LMF1: variants seen among roughly 807,000 people sequenced by gnomAD.
LMF1 encodes lipase maturation factor 1.
In LMF1, 68 loss-of-function variants were observed where a neutral mutation model predicts 60.6. The observed-to-expected ratio is 1.12, with a 90% CI of 0.92 to 1.37. The LOEUF (loss-of-function observed/expected upper bound fraction) is 1.37. Among genes scored for constraint, LMF1 ranks in the 40% most tolerant of loss-of-function variants. The pLI, the probability that LMF1 is intolerant of heterozygous loss-of-function variation, is 0.00. For synonymous variants in LMF1, 418 were observed against 324.7 expected, an observed-to-expected ratio of 1.29 and a Z score of -3.09; for missense variants, 948 against 767.2, an observed-to-expected ratio of 1.24 and a Z score of -2.78.
intron 2 of LMF1, among the ~76,000 whole-genome samples, chr16:935,584 A>AAAAAAAC (rs59945373): frequency 6.6e-6 from 1 of 151,466 alleles, no homozygotes; most frequent in South Asian, 2.1e-4. Context: ...AAAAAAAAAA[A>AAAAAAAC]CTCATAATGT....
rs139998027 is a variant in LMF1 at position 864,430 on chromosome 16, A to T, written c.1529+4514T>A. 9.2e-5 allele frequency among the ~76,000 whole-genome samples: 14 copies of T among 152,308 alleles called. No homozygotes were observed. The East Asian group carries it at 2.7e-3, about 29-fold the overall frequency. On this transcript the variant is annotated intron_variant, in intron 10 of 10. Transcript: ENST00000262301. ...ACAACTATCCTGTTTTCACTTCCATACAGTATTCAGTAAATGACATATTCA... is the reference window on the plus strand; with the variant it reads ...ACAACTATCCTGTTTTCACTTCCATTCAGTATTCAGTAAATGACATATTCA...
At chr16:947,344 C>G in intron 2 of LMF1, 1 of 393,002 alleles carries the variant, frequency 2.5e-6, no homozygotes, top group Non-Finnish European at 5.1e-6. Flanking sequence ...CCAGTTGGGG[C>G]TACGCAGAGG....
At chr16:920,394 G>A (rs950604795) in intron 3 of LMF1, among the ~76,000 whole-genome samples, 13 of 152,244 alleles carry the variant, frequency 8.5e-5, no homozygotes, top group Non-Finnish European at 1.8e-4. Context: ...CTGGAGAGCT[G>A]AGCAGAGACA....
At chr16:943,490 C>T (rs1331027468) in intron 2 of LMF1, among the ~76,000 whole-genome samples, 1 of 151,840 alleles carries the variant, frequency 6.6e-6, no homozygotes, top group African/African-American at 2.4e-5. Context: ...CTTTGGGAGG[C>T]CGAGGCGGGC....
chr16:925,746 C>T (rs752218448), intron 3 of LMF1, among the ~76,000 whole-genome samples: 3 of 152,038 alleles, frequency 2.0e-5, no homozygotes, highest in Non-Finnish European at 4.4e-5. Context: ...TGAAGAAAAA[C>T]TATATATATA....
At chr16:934,606 G>T in intron 2 of LMF1, 1 of 337,954 alleles carries the variant, frequency 3.0e-6, no homozygotes. Flanking sequence ...GAAAATTTAA[G>T]GACATCACAT....
In LMF1 at chr16:954,254, A is replaced by T. The variant is rs748219564; in HGVS notation, c.503+103T>A. 7.4e-6 allele frequency: 9 copies of T among 1,208,148 alleles called. No homozygotes were observed. In the Admixed American group the frequency reaches 7.9e-5, roughly 11 times the overall value. 74.8% of individuals were successfully genotyped at this position (1,208,148 alleles called of 1,614,324 possible). A position where few individuals can be genotyped will look rare whatever the true frequency, so the allele number is the denominator to read the frequency against. On this transcript the variant is annotated intron_variant, in intron 2 of 10. Transcript: ENST00000262301. ...GACAATACCCTCCTGAAGGAATTTA[A>T]GATAAACGCTCGTCCAGTCTTTCCA...
chr16:942,103 A>C (rs1198841216), intron 2 of LMF1, among the ~76,000 whole-genome samples: 1 of 152,204 alleles, frequency 6.6e-6, no homozygotes, highest in Non-Finnish European at 1.5e-5. Flanking sequence ...GTCTGCTGGC[A>C]AAGCCTTCTC....
At chr16:955,467 GCATACA>G (rs2072672296) in intron 1 of LMF1, among the ~76,000 whole-genome samples, 1 of 94,310 alleles carries the variant, frequency 1.1e-5, no homozygotes, top group African/African-American at 6.0e-5. Flanking sequence ...CGCGGTGTGT[GCATACA>G]CACACACACA....
chr16:879,255 C>T (rs908454908), intron 6 of LMF1, among the ~76,000 whole-genome samples: 2 of 152,180 alleles, frequency 1.3e-5, no homozygotes, highest in Non-Finnish European at 2.9e-5. Flanking sequence ...TGGGGGTGTC[C>T]ACACAGGGCC....
chr16:922,268 T>C (rs1022378977), intron 3 of LMF1, among the ~76,000 whole-genome samples: 2 of 152,114 alleles, frequency 1.3e-5, no homozygotes, highest in East Asian at 1.9e-4. Flanking sequence ...TCGCCTCCGA[T>C]GCAAGGTGGG....
chr16:876,678 G>A (rs139142692), intron 6 of LMF1, among the ~76,000 whole-genome samples: 10 of 151,104 alleles, frequency 6.6e-5, no homozygotes, highest in South Asian at 2.1e-4. Context: ...GGCTTGGGGC[G>A]GACAGAGGCA....
rs368872188 is a variant in LMF1, at chr16:955,921, G to A, written c.194-1255C>T. 5.3e-5 allele frequency among the ~76,000 whole-genome samples: 8 copies of A among 152,292 alleles called. No homozygotes were observed. The South Asian group carries it at 6.2e-4, about 12-fold the overall frequency. On this transcript the variant is annotated intron_variant, in intron 1 of 10. Transcript: ENST00000262301. The stretch of plus-strand genomic sequence containing the variant: ...CCCTCTACGCAGACCACAGGTCTCC[G>A]AGTTCACGTCTCACGGCGCCCACCC...
At chr16:923,992 A>G (rs994501372) in intron 3 of LMF1, among the ~76,000 whole-genome samples, 1 of 152,268 alleles carries the variant, frequency 6.6e-6, no homozygotes, top group Non-Finnish European at 1.5e-5. Flanking sequence ...AAAATAGAAA[A>G]GGCAACTATG....
chr16:929,553 C>T (rs1469175986), intron 3 of LMF1, among the ~76,000 whole-genome samples: 1 of 152,226 alleles, frequency 6.6e-6, no homozygotes, highest in Non-Finnish European at 1.5e-5. Flanking sequence ...TGCGCAAGGG[C>T]GGCTGGAAGC....
intron 2 of LMF1, 137 bp downstream of exon 2, chr16:954,220 A>G (rs1351768997): frequency 1.1e-6 from 1 of 952,160 alleles, no homozygotes; most frequent in African/African-American, 1.6e-5. Context: ...GCCATGGCCT[A>G]AGTAAAATGA....
intron 10 of LMF1, among the ~76,000 whole-genome samples, chr16:859,511 T>G (rs866857485): frequency 0.12 from 912 of 7,350 alleles, no homozygotes; most frequent in Admixed American, 0.21. Flanking sequence ...GTGTGCAGTG[T>G]TGTCACGGGA....
intron 2 of LMF1, among the ~76,000 whole-genome samples, chr16:953,920 A>C (rs138206499): frequency 2.4e-5 from 2 of 82,718 alleles, no homozygotes; most frequent in Non-Finnish European, 2.5e-5. Context: ...CACCCACCCC[A>C]AACCAGCTTC....
rs369515644 is a variant in LMF1 at position 870,691 on chromosome 16, A to G, written c.1232+38T>C. The G allele has an allele frequency of 1.2e-3, 1,883 of 1,609,648 alleles. 25 individuals carry two copies. In the South Asian group the frequency reaches 0.019, roughly 16 times the overall value. ...GCTGGTCAGGGCTGAGTCTCCCCATATACCCAGCTCCGGGGGACGGGGACC... is the reference window on the plus strand; with the variant it reads ...GCTGGTCAGGGCTGAGTCTCCCCATGTACCCAGCTCCGGGGGACGGGGACC... On this transcript the variant is annotated intron_variant, in intron 8 of 10. Coordinates refer to ENST00000262301, the MANE Select transcript of LMF1 (RefSeq NM_022773.4).
Sources: gnomAD v4.1 joint callset for allele counts (sites outside exome capture counted in the v4.1 genomes callset) on GRCh38, gnomAD v4.1.1 for gene constraint, MANE v1.5 for transcripts, NCBI Gene and HGNC (gene_info 2026-07-23, HGNC 2026-07-21) for gene names.